The following SOX5 variants were observed in gnomAD, a reference collection of about 807,000 sequenced individuals.
SOX5 encodes transcription factor SOX-5.
A neutral mutation model predicts 92.0 loss-of-function variants in SOX5; 9 were observed. That is an observed-to-expected ratio of 0.10 (90% CI 0.06 to 0.17). The LOEUF (loss-of-function observed/expected upper bound fraction) is 0.17, where lower values mean the gene tolerates loss of function less well. Ranked by LOEUF, SOX5 falls within the 10% of genes least tolerant of loss-of-function variation. SOX5 has a pLI of 1.00. For missense variants in SOX5, 642 were observed against 944.5 expected (o/e 0.68, Z 4.20); for synonymous variants, 344 against 336.3 (o/e 1.02, Z -0.25).
chr12:24,382,688 G>A (rs1225713275), intron 1 of SOX5, among the ~76,000 whole-genome samples: 1 of 152,200 alleles, frequency 6.6e-6, no homozygotes, highest in African/African-American at 2.4e-5. Flanking sequence ...AATGAGAAAT[G>A]ATGGTGGCTT....
At chr12:23,879,928 G>C (rs540200126) in intron 2 of SOX5, among the ~76,000 whole-genome samples, 6 of 152,212 alleles carry the variant, frequency 3.9e-5, no homozygotes, top group Admixed American at 2.6e-4. Context: ...ACTACTTCCA[G>C]CATGGCAGCC....
At chr12:23,593,016 T>A (rs1214037893) in intron 9 of SOX5, among the ~76,000 whole-genome samples, 10 of 152,040 alleles carry the variant, frequency 6.6e-5, no homozygotes, top group African/African-American at 2.2e-4. Context: ...GAGGCAAAGG[T>A]TGCAGTGAGC....
intron 1 of SOX5, among the ~76,000 whole-genome samples, chr12:24,463,684 A>T (rs540534046): frequency 1.3e-5 from 2 of 152,330 alleles, no homozygotes; most frequent in African/African-American, 4.8e-5. Context: ...TTCAGAGATT[A>T]TAGGGAGAGC....
intron 1 of SOX5, among the ~76,000 whole-genome samples, chr12:24,461,146 ATG>A (rs1327039741): frequency 6.6e-6 from 1 of 152,212 alleles, no homozygotes; most frequent in African/African-American, 2.4e-5. Context: ...ATGAAATTCT[ATG>A]TATGCTGAGT....
chr12:24,074,559 CATTTAGCCCAA>C (rs1252612739), intron 4 of SOX5, among the ~76,000 whole-genome samples: 1 of 130,742 alleles, frequency 7.6e-6, no homozygotes, highest in Non-Finnish European at 1.6e-5. Context: ...GTACATCAGT[CATTTAGCCCAA>C]ATTTACCTTA....
At chr12:23,650,477 A>T (rs925851865) in intron 7 of SOX5, among the ~76,000 whole-genome samples, 1 of 152,092 alleles carries the variant, frequency 6.6e-6, no homozygotes, top group African/African-American at 2.4e-5. Context: ...CAGGTAGAGG[A>T]GGCCTTGTAG....
chr12:23,619,883 C>T (rs1411226671), intron 8 of SOX5, among the ~76,000 whole-genome samples: 1 of 152,068 alleles, frequency 6.6e-6, no homozygotes, highest in African/African-American at 2.4e-5. Flanking sequence ...ATCATTCATG[C>T]TTTTATTCAT....
intron 3 of SOX5, among the ~76,000 whole-genome samples, chr12:24,266,700 A>G (rs1217058040): frequency 6.6e-6 from 1 of 152,220 alleles, no homozygotes; most frequent in East Asian, 1.9e-4. Flanking sequence ...CATCTGTTGA[A>G]CATAGGAAAA....
At chr12:23,590,584 C>T (rs1349248901) in intron 9 of SOX5, among the ~76,000 whole-genome samples, 1 of 152,004 alleles carries the variant, frequency 6.6e-6, no homozygotes. Flanking sequence ...CCATATTATT[C>T]TTTGAATAGC....
intron 3 of SOX5, among the ~76,000 whole-genome samples, chr12:24,216,655 G>A (rs1959182699): frequency 6.6e-6 from 1 of 152,118 alleles, no homozygotes; most frequent in Admixed American, 6.5e-5. Flanking sequence ...GGGTGCGGTG[G>A]CCCATGCCTG....
Position 23,766,234 on chromosome 12 carries a change from T to G in SOX5, c.482-10510A>C, listed in dbSNP as rs185159883. On this transcript the variant is annotated intron_variant, in intron 3 of 14. Coordinates refer to ENST00000451604, the MANE Select transcript of SOX5 (RefSeq NM_006940.6). ...CAAAAACGGGAGCAGTTTCTCATCT[T>G]GTCTATAATGAGGAAAATAATTGAA... 7.9e-5 allele frequency among the ~76,000 whole-genome samples: 12 copies of G among 152,314 alleles called. No individual in the cohort carries two copies. The East Asian group carries it at 1.9e-3, about 24-fold the overall frequency.
chr12:23,643,352 G>A (rs142092606), intron 7 of SOX5, among the ~76,000 whole-genome samples: 8 of 152,248 alleles, frequency 5.3e-5, no homozygotes, highest in South Asian at 2.1e-4. Context: ...GTGTTGTTGC[G>A]GGGAAGGAAC....
At chr12:23,750,343 A>G (rs2094143089) in intron 4 of SOX5, among the ~76,000 whole-genome samples, 1 of 151,916 alleles carries the variant, frequency 6.6e-6, no homozygotes, top group Non-Finnish European at 1.5e-5. Context: ...GCAGGCAATA[A>G]ATCATAATCG....
chr12:24,555,931 C>T (rs754688918), intron 1 of SOX5, among the ~76,000 whole-genome samples: 18 of 152,222 alleles, frequency 1.2e-4, no homozygotes, highest in Non-Finnish European at 1.9e-4. Context: ...CACTTAGGCA[C>T]GGAGGCCATG....
At chr12:23,983,092 G>T (rs1252194276) in intron 4 of SOX5, among the ~76,000 whole-genome samples, 1 of 145,266 alleles carries the variant, frequency 6.9e-6, no homozygotes, top group Admixed American at 7.2e-5. Flanking sequence ...GTAGTCACTG[G>T]GATCTGGAGT....
chr12:23,594,633 G>A (rs1219379591), intron 9 of SOX5, among the ~76,000 whole-genome samples: 27 of 152,120 alleles, frequency 1.8e-4, no homozygotes, highest in Non-Finnish European at 2.9e-4. Flanking sequence ...TAAGTAGTGT[G>A]ACAGATAGAA....
rs117823205 is a variant in SOX5, at chr12:24,267,929, A to G, written c.-77+9287T>C. Among the ~76,000 whole-genome samples the G allele has an allele frequency of 6.4e-3, 982 of 152,274 alleles. 8 individuals are homozygous for G. Among genetic ancestry groups the G allele is most frequent in the Non-Finnish European group, 0.011 (777 of 68,010 alleles). ...AGAGATTCTCACATATTTTTAATCAATGAGGAAGCTGAAAAGCCATAGCAA... is the reference window on the plus strand; with the variant it reads ...AGAGATTCTCACATATTTTTAATCAGTGAGGAAGCTGAAAAGCCATAGCAA... On this transcript the variant is annotated intron_variant, in intron 3 of 4. Coordinates refer to the SOX5 transcript ENST00000446891.
intron 9 of SOX5, among the ~76,000 whole-genome samples, chr12:23,596,210 C>T (rs898158778): frequency 3.9e-5 from 6 of 152,176 alleles, no homozygotes; most frequent in Non-Finnish European, 7.3e-5. Flanking sequence ...TCATGTCTAC[C>T]TCTGTGTAGT....
At chr12:23,724,575 G>A (rs766651516) in intron 6 of SOX5, among the ~76,000 whole-genome samples, 6 of 151,980 alleles carry the variant, frequency 3.9e-5, no homozygotes, top group Non-Finnish European at 7.4e-5. Context: ...AACCTTATTT[G>A]CTACTGTAAC....
Sources: gnomAD v4.1 joint callset for allele counts (sites outside exome capture counted in the v4.1 genomes callset) on GRCh38, gnomAD v4.1.1 for gene constraint, MANE v1.5 for transcripts, NCBI Gene and HGNC (gene_info 2026-07-23, HGNC 2026-07-21) for gene names.